Variants in CALN1 observed in about 807,000 individuals in gnomAD.
The protein encoded by CALN1 is calneuron 1, also known as calcium-binding protein 8.
Under a neutral mutation model 30.6 loss-of-function variants are expected in CALN1, and 17 were observed. That is an observed-to-expected ratio of 0.56 (90% CI 0.38 to 0.83). CALN1 has a LOEUF of 0.83. Among genes scored for constraint, CALN1 ranks in the 40% least tolerant of loss-of-function variants. CALN1 has a pLI of 0.00. For synonymous variants in CALN1, 156 were observed against 131.4 expected (o/e 1.19, Z -1.28); for missense variants, 291 against 354.9 (o/e 0.82, Z 1.45).
At chr7:72,458,303 TATATA>T in the CALN1 span, among the ~76,000 whole-genome samples, 2 of 32,234 alleles carry the variant, frequency 6.2e-5, no homozygotes, top group Non-Finnish European at 9.8e-5. Context: ...TATTCTATAT[TATATA>T]ATATATTTTA....
chr7:72,153,521 T>TAA (rs372104313), intron 3 of CALN1, among the ~76,000 whole-genome samples: 165 of 142,984 alleles, frequency 1.2e-3, no homozygotes, highest in Middle Eastern at 3.5e-3. Flanking sequence ...TCTACAAAAT[T>TAA]AAAAAAAAAA....
intron 3 of CALN1, among the ~76,000 whole-genome samples, chr7:72,237,637 G>A (rs879015828): frequency 6.6e-6 from 1 of 152,176 alleles, no homozygotes; most frequent in African/African-American, 2.4e-5. Context: ...TCTTGGGGCT[G>A]AGTTCTGGGA....
At chr7:72,045,827 C>T (rs1047071808) in intron 4 of CALN1, among the ~76,000 whole-genome samples, 2 of 151,866 alleles carry the variant, frequency 1.3e-5, no homozygotes, top group African/African-American at 2.4e-5. Context: ...TGGTGAAACC[C>T]TGTCTCTACT....
intron 5 of CALN1, among the ~76,000 whole-genome samples, chr7:71,928,420 CTGAGAGG>C (rs1795379116): frequency 1.4e-5 from 2 of 145,016 alleles, no homozygotes; most frequent in South Asian, 4.3e-4. Flanking sequence ...CTTCAATTCT[CTGAGAGG>C]TTTGCCATTA....
chr7:72,290,059 C>A (rs1798368006), intron 2 of CALN1, among the ~76,000 whole-genome samples: 2 of 118,406 alleles, frequency 1.7e-5, no homozygotes, highest in African/African-American at 6.8e-5. Context: ...GCCTGGGTAA[C>A]AGAGAACGAG....
chr7:72,348,161 T>C (rs1246353812), intron 2 of CALN1, among the ~76,000 whole-genome samples: 1 of 152,184 alleles, frequency 6.6e-6, no homozygotes, highest in Non-Finnish European at 1.5e-5. Flanking sequence ...CTCAATTATG[T>C]TTGCATCAAC....
chr7:71,978,474 C>T (rs960544142), intron 5 of CALN1, among the ~76,000 whole-genome samples: 4 of 151,812 alleles, frequency 2.6e-5, no homozygotes, highest in Non-Finnish European at 4.4e-5. Context: ...CGGGGTTTCA[C>T]CGTGTTAGCC....
At chr7:72,060,273 G>T (rs548465092) in intron 4 of CALN1, among the ~76,000 whole-genome samples, 1 of 152,132 alleles carries the variant, frequency 6.6e-6, no homozygotes, top group Admixed American at 6.5e-5. Flanking sequence ...CCATTGTCTC[G>T]AGTAGGAACA....
At chr7:72,090,656 G>A (rs1160913825) in intron 4 of CALN1, among the ~76,000 whole-genome samples, 3 of 152,154 alleles carry the variant, frequency 2.0e-5, no homozygotes, top group Non-Finnish European at 4.4e-5. Context: ...ATTCACAATA[G>A]CTAAGATATG....
chr7:72,126,210 C>A (rs1808754067), intron 3 of CALN1, among the ~76,000 whole-genome samples: 1 of 152,098 alleles, frequency 6.6e-6, no homozygotes, highest in African/African-American at 2.4e-5. Context: ...GAATAATGGT[C>A]TCCAACTCCA....
intron 3 of CALN1, among the ~76,000 whole-genome samples, chr7:72,125,799 CTT>C (rs61475416): frequency 1.7e-5 from 2 of 114,764 alleles, no homozygotes. Flanking sequence ...CTGTATCATT[CTT>C]TTTTTTTTTT....
intron 2 of CALN1, among the ~76,000 whole-genome samples, chr7:72,344,564 ATATT>A (rs1562908468): frequency 2.7e-5 from 4 of 147,174 alleles, no homozygotes; most frequent in African/African-American, 7.4e-5. Context: ...ATATATATAT[ATATT>A]TATTTATATA....
At chr7:71,798,336 A>T (rs1787088466) in intron 6 of CALN1, among the ~76,000 whole-genome samples, 1 of 151,198 alleles carries the variant, frequency 6.6e-6, no homozygotes, top group Non-Finnish European at 1.5e-5. Context: ...TATTTATAGA[A>T]ACTGGGTTTC....
chr7:72,329,492 A>T (rs1562892928), intron 2 of CALN1, among the ~76,000 whole-genome samples: 1 of 152,144 alleles, frequency 6.6e-6, no homozygotes, highest in Non-Finnish European at 1.5e-5. Flanking sequence ...CTCTGAACTC[A>T]TCTCCTGCCA....
intron 3 of CALN1, among the ~76,000 whole-genome samples, chr7:72,190,975 G>A (rs1381580605): frequency 1.3e-5 from 2 of 151,792 alleles, no homozygotes; most frequent in African/African-American, 2.4e-5. Context: ...TTCTAATTCT[G>A]TTATATCTTT....
chr7:71,861,181 G>T (rs1791253097), intron 5 of CALN1, among the ~76,000 whole-genome samples: 1 of 65,638 alleles, frequency 1.5e-5, no homozygotes, highest in African/African-American at 8.2e-5. Flanking sequence ...GGTGTGGGGT[G>T]TGTGTGTGTG....
At chr7:72,447,699 G>T (rs994038225), upstream of CALN1, among the ~76,000 whole-genome samples, 2 of 147,456 alleles carry the variant, frequency 1.4e-5, no homozygotes, top group Admixed American at 6.7e-5. Flanking sequence ...TTATACATAC[G>T]TGCCTGCCCA....
chr7:72,139,714 C>T (rs1809758255), intron 3 of CALN1, among the ~76,000 whole-genome samples: 1 of 152,206 alleles, frequency 6.6e-6, no homozygotes, highest in African/African-American at 2.4e-5. Flanking sequence ...CTTCTAAGCT[C>T]CTCGGTCACC....
chr7:72,388,239 T>C (rs538165202), intron 2 of CALN1, among the ~76,000 whole-genome samples: 1 of 152,302 alleles, frequency 6.6e-6, no homozygotes, highest in South Asian at 2.1e-4. Context: ...ATATGAGTTA[T>C]TGTATCCATT....
Sources: gnomAD v4.1 joint callset for allele counts (sites outside exome capture counted in the v4.1 genomes callset) on GRCh38, gnomAD v4.1.1 for gene constraint, MANE v1.5 for transcripts, NCBI Gene and HGNC (gene_info 2026-07-23, HGNC 2026-07-21) for gene names.